Variants in LRMDA observed in about 807,000 individuals in gnomAD.
LRMDA encodes the protein leucine-rich melanocyte differentiation-associated protein.
A neutral mutation model predicts 29.8 loss-of-function variants in LRMDA; 18 were observed. The ratio of observed to expected loss-of-function variants is 0.60; its 90% CI spans 0.42 to 0.90. The LOEUF (loss-of-function observed/expected upper bound fraction) is 0.90. LRMDA is among the 40% of genes least tolerant of loss of function. The pLI is 0.00. For missense variants in LRMDA, 273 were observed against 273.9 expected (o/e 1.00, Z 0.02); for synonymous variants, 125 against 109.4 (o/e 1.14, Z -0.89).
At position 76,456,436 on chromosome 10, in the gene LRMDA, C is replaced by T. The variant is rs960396294; in HGVS notation, c.602-100773C>T. Among the ~76,000 whole-genome samples the T allele has an allele frequency of 3.3e-5, 5 of 152,132 alleles. No homozygotes were observed. The South Asian group carries it at 8.3e-4, about 25-fold the overall frequency. On this transcript the variant is annotated intron_variant, in intron 6 of 6. Transcript: ENST00000611255. ...CTACAAAAGCAATTGCAGAGGACCACGTGATGTGGCTCCAGAGCACATGAC... is the reference window on the plus strand; with the variant it reads ...CTACAAAAGCAATTGCAGAGGACCATGTGATGTGGCTCCAGAGCACATGAC...
At chr10:75,967,014 A>G (rs1431127106) in intron 2 of LRMDA, among the ~76,000 whole-genome samples, 1 of 152,236 alleles carries the variant, frequency 6.6e-6, no homozygotes, top group Non-Finnish European at 1.5e-5. Flanking sequence ...TGTTCAGATC[A>G]GGCATATGGT....
chr10:75,534,851 G>A (rs1293280616), intron 2 of LRMDA, among the ~76,000 whole-genome samples: 3 of 152,012 alleles, frequency 2.0e-5, no homozygotes, highest in African/African-American at 7.3e-5. Context: ...AGCCTAATTA[G>A]GGTTTGTACT....
intron 5 of LRMDA, among the ~76,000 whole-genome samples, chr10:76,075,668 A>G (rs938607683): frequency 1.2e-4 from 18 of 152,202 alleles, no homozygotes; most frequent in Non-Finnish European, 2.5e-4. Context: ...GGGCAAGTCT[A>G]GTTTGTCCTC....
intron 2 of LRMDA, among the ~76,000 whole-genome samples, chr10:75,828,324 G>T (rs1320177420): frequency 6.6e-6 from 1 of 152,092 alleles, no homozygotes; most frequent in Non-Finnish European, 1.5e-5. Context: ...AGTTCAACCA[G>T]GTCCAATTTT....
At chr10:76,259,850 G>C (rs1461828944) in intron 5 of LRMDA, among the ~76,000 whole-genome samples, 1 of 151,508 alleles carries the variant, frequency 6.6e-6, no homozygotes, top group Non-Finnish European at 1.5e-5. Context: ...TCTCTTTTTA[G>C]AACTTTTTAC....
intron 5 of LRMDA, among the ~76,000 whole-genome samples, chr10:76,203,330 G>A (rs140121660): frequency 2.6e-5 from 4 of 152,254 alleles, no homozygotes; most frequent in South Asian, 2.1e-4. Flanking sequence ...TAGAGACTGC[G>A]TCTCACTCAC....
chr10:76,346,555 T>C (rs370592788), intron 6 of LRMDA: 12 of 152,226 alleles, frequency 7.9e-5, no homozygotes, highest in African/African-American at 2.2e-4. Context: ...AATATAGAGG[T>C]ACGTGCATAT....
chr10:76,049,180 C>G (rs1229907529), intron 4 of LRMDA, among the ~76,000 whole-genome samples: 1 of 152,154 alleles, frequency 6.6e-6, no homozygotes, highest in Non-Finnish European at 1.5e-5. Flanking sequence ...AGCCTGGGCA[C>G]CCTCCAAGCC....
At chr10:75,497,850 T>C (rs1391414935) in intron 2 of LRMDA, among the ~76,000 whole-genome samples, 1 of 152,210 alleles carries the variant, frequency 6.6e-6, no homozygotes, top group East Asian at 1.9e-4. Context: ...AGATTTTAGG[T>C]ATTAAGCTGC....
At chr10:75,571,799 G>A (rs1840440983) in intron 2 of LRMDA, among the ~76,000 whole-genome samples, 1 of 152,174 alleles carries the variant, frequency 6.6e-6, no homozygotes, top group Non-Finnish European at 1.5e-5. Context: ...CTGAGGGTGG[G>A]AGAGGGAAAA....
At chr10:76,272,379 G>T (rs1430145163) in intron 5 of LRMDA, among the ~76,000 whole-genome samples, 2 of 152,134 alleles carry the variant, frequency 1.3e-5, no homozygotes, top group Non-Finnish European at 2.9e-5. Context: ...TAGTTCTACA[G>T]CTCTTCAATA....
At chr10:76,431,673 TC>T (rs1842191925) in intron 6 of LRMDA, among the ~76,000 whole-genome samples, 2 of 152,186 alleles carry the variant, frequency 1.3e-5, no homozygotes, top group South Asian at 2.1e-4. Flanking sequence ...GGATTCGTTG[TC>T]ATTGGTGATG....
chr10:75,483,101 C>T (rs904226043), intron 2 of LRMDA, among the ~76,000 whole-genome samples: 1 of 152,124 alleles, frequency 6.6e-6, no homozygotes, highest in Non-Finnish European at 1.5e-5. Context: ...TGCACCACCA[C>T]ACCTGGCTAA....
At chr10:76,446,903 C>T (rs984472852) in intron 6 of LRMDA, among the ~76,000 whole-genome samples, 10 of 152,134 alleles carry the variant, frequency 6.6e-5, no homozygotes, top group African/African-American at 2.4e-4. Context: ...TGGTGTGTGC[C>T]TTTAGTGTGA....
At chr10:75,471,996 T>C (rs1161137678) in intron 2 of LRMDA, among the ~76,000 whole-genome samples, 1 of 152,138 alleles carries the variant, frequency 6.6e-6, no homozygotes, top group Non-Finnish European at 1.5e-5. Context: ...CATCTTCCCC[T>C]CTTCCTCAGG....
intron 2 of LRMDA, among the ~76,000 whole-genome samples, chr10:75,845,855 A>G (rs181550269): frequency 1.9e-3 from 285 of 152,304 alleles, no homozygotes; most frequent in Non-Finnish European, 3.4e-3. Flanking sequence ...GCAGAGAGAG[A>G]AGAAGCTGGA....
At chr10:76,538,916 T>C (rs1032669103) in intron 6 of LRMDA, among the ~76,000 whole-genome samples, 9 of 152,032 alleles carry the variant, frequency 5.9e-5, no homozygotes, top group African/African-American at 2.2e-4. Context: ...ACAAAGAATT[T>C]CTCTCTTTCC....
intron 2 of LRMDA, among the ~76,000 whole-genome samples, chr10:75,728,426 C>CTGTGTGTGTG (rs34902461): frequency 5.1e-4 from 70 of 138,286 alleles, no homozygotes; most frequent in African/African-American, 1.6e-3. Context: ...ATACGTGGCT[C>CTGTGTGTGTG]TGTGTGTGTG....
At chr10:76,175,260 G>A (rs560334627) in intron 5 of LRMDA, among the ~76,000 whole-genome samples, 1 of 152,258 alleles carries the variant, frequency 6.6e-6, no homozygotes, top group South Asian at 2.1e-4. Flanking sequence ...AAGAGCTGTG[G>A]GTCTGGATGA....
Sources: gnomAD v4.1 joint callset for allele counts (sites outside exome capture counted in the v4.1 genomes callset) on GRCh38, gnomAD v4.1.1 for gene constraint, MANE v1.5 for transcripts, NCBI Gene and HGNC (gene_info 2026-07-23, HGNC 2026-07-21) for gene names.